The following TRMT11 variants were observed in gnomAD, a reference collection of about 807,000 sequenced individuals.
TRMT11 encodes tRNA (guanine(10)-N(2))-methyltransferase TRMT11.
TRMT11 carries 53 observed loss-of-function variants against 62.8 expected under a neutral mutation model. The observed-to-expected ratio is 0.84, with a 90% CI of 0.68 to 1.06. TRMT11 has a LOEUF of 1.06. Among genes scored for constraint, TRMT11 ranks in the 50% least tolerant of loss-of-function variants. The pLI, the probability that TRMT11 is intolerant of heterozygous loss-of-function variation, is 0.00. For synonymous variants in TRMT11, 188 were observed against 190.3 expected (o/e 0.99, Z 0.10); for missense variants, 556 against 553.4 (o/e 1.00, Z -0.05).
At chr6:126,229,102 G>A in the TRMT11 span, among the ~76,000 whole-genome samples, 1 of 152,130 alleles carries the variant, frequency 6.6e-6, no homozygotes, top group Non-Finnish European at 1.5e-5. Flanking sequence ...GAAATTTGTT[G>A]TATTTCTGTG....
At chr6:126,049,893 A>G (rs1562306216) in intron 16 of TRMT11, among the ~76,000 whole-genome samples, 1 of 152,208 alleles carries the variant, frequency 6.6e-6, no homozygotes, top group Non-Finnish European at 1.5e-5. Context: ...CAGATGTGAG[A>G]ATGTGTGAGT....
chr6:126,124,676 G>C (rs565987549), intron 21 of TRMT11, among the ~76,000 whole-genome samples: 1 of 152,054 alleles, frequency 6.6e-6, no homozygotes, highest in Non-Finnish European at 1.5e-5. Flanking sequence ...TGAGAGGCTT[G>C]TAGATCAGAG....
chr6:126,117,460 G>A (rs529392865), intron 21 of TRMT11, among the ~76,000 whole-genome samples: 134 of 152,140 alleles, frequency 8.8e-4, no homozygotes, highest in African/African-American at 2.9e-3. Flanking sequence ...TTGACAGGGA[G>A]AGTCACTTTC....
chr6:126,006,822 G>A (rs886550580), intron 7 of TRMT11: 10 of 151,972 alleles, frequency 6.6e-5, no homozygotes, highest in African/African-American at 2.4e-4. Context: ...CAGTCTAACA[G>A]ATTATTCATC....
chr6:126,037,623 G>A (rs1775428910), intron 12 of TRMT11, among the ~76,000 whole-genome samples: 1 of 151,714 alleles, frequency 6.6e-6, no homozygotes, highest in African/African-American at 2.4e-5. Context: ...CTGGGTTTTT[G>A]GTGTGATTTT....
chr6:126,028,670 T>A (rs1168699970), intron 12 of TRMT11, among the ~76,000 whole-genome samples: 2 of 152,134 alleles, frequency 1.3e-5, no homozygotes, highest in African/African-American at 2.4e-5. Context: ...CTTAGGCAAA[T>A]AAAATGATTT....
At chr6:126,034,280 A>G (rs1185958136) in intron 12 of TRMT11, among the ~76,000 whole-genome samples, 3 of 152,176 alleles carry the variant, frequency 2.0e-5, no homozygotes, top group Non-Finnish European at 4.4e-5. Context: ...AATTTAGATG[A>G]TACTTTTCTG....
At chr6:126,163,802 G>T (rs1311124990) in intron 21 of TRMT11, among the ~76,000 whole-genome samples, 2 of 152,154 alleles carry the variant, frequency 1.3e-5, no homozygotes, top group Non-Finnish European at 2.9e-5. Context: ...TTGTATTTCT[G>T]TGGGATCAGT....
At chr6:126,247,475 A>ATCTGTCTG in the TRMT11 span, among the ~76,000 whole-genome samples, 5 of 147,594 alleles carry the variant, frequency 3.4e-5, no homozygotes, top group African/African-American at 1.3e-4. Context: ...CTATCTATCT[A>ATCTGTCTG]TCTATCTATC....
chr6:126,033,773 A>G (rs1562293357), intron 12 of TRMT11, among the ~76,000 whole-genome samples: 1 of 152,158 alleles, frequency 6.6e-6, no homozygotes, highest in Non-Finnish European at 1.5e-5. Context: ...ATTTCAGTTC[A>G]CATCAGGAAG....
chr6:126,137,109 G>A (rs377366004), intron 21 of TRMT11, among the ~76,000 whole-genome samples: 3 of 151,568 alleles, frequency 2.0e-5, no homozygotes, highest in South Asian at 2.1e-4. Context: ...CAAAAGCACA[G>A]GCAACAAAAA....
chr6:126,059,045 CTT>C (rs1036996695), intron 17 of TRMT11, among the ~76,000 whole-genome samples: 1 of 128,112 alleles, frequency 7.8e-6, no homozygotes, highest in Admixed American at 7.9e-5. Context: ...CTCTACTTAT[CTT>C]TTTTTTTTTT....
At chr6:126,094,461 G>A (rs940595552) in intron 17 of TRMT11, among the ~76,000 whole-genome samples, 3 of 152,054 alleles carry the variant, frequency 2.0e-5, no homozygotes, top group South Asian at 4.2e-4. Context: ...AAATATTTGC[G>A]GCCCTGGTCA....
the TRMT11 span, among the ~76,000 whole-genome samples, chr6:126,251,509 A>G: frequency 1.3e-5 from 2 of 152,162 alleles, no homozygotes; most frequent in Non-Finnish European, 2.9e-5. Context: ...ATAATTTTGA[A>G]GTATACAATA....
At chr6:126,168,261 T>C (rs1027162296) in intron 21 of TRMT11, among the ~76,000 whole-genome samples, 2 of 152,208 alleles carry the variant, frequency 1.3e-5, no homozygotes, top group African/African-American at 2.4e-5. Flanking sequence ...GAGTTCTTTA[T>C]GGTTTCTCCA....
chr6:126,220,657 C>T, the TRMT11 span, among the ~76,000 whole-genome samples: 1 of 152,160 alleles, frequency 6.6e-6, no homozygotes, highest in Non-Finnish European at 1.5e-5. Context: ...CATTTATACC[C>T]ATCATTACAT....
chr6:126,151,838 C>CTTTCTT (rs1778050786), intron 21 of TRMT11, among the ~76,000 whole-genome samples: 1 of 129,484 alleles, frequency 7.7e-6, no homozygotes, highest in Non-Finnish European at 1.6e-5. Context: ...TTCTTTCTTT[C>CTTTCTT]TTTCTTTCTT....
the TRMT11 span, among the ~76,000 whole-genome samples, chr6:126,268,636 C>G: frequency 6.6e-6 from 1 of 152,164 alleles, no homozygotes; most frequent in South Asian, 2.1e-4. Flanking sequence ...CTGGGACATT[C>G]TGCTGCAGTG....
intron 1 of TRMT11, among the ~76,000 whole-genome samples, chr6:126,188,952 A>C (rs1778559915): frequency 6.6e-6 from 1 of 152,164 alleles, no homozygotes; most frequent in African/African-American, 2.4e-5. Flanking sequence ...AGTACATTTT[A>C]AACATGAAAA....
Sources: allele counts gnomAD v4.1 joint callset (sites outside exome capture counted in the v4.1 genomes callset), GRCh38; gene constraint gnomAD v4.1.1; transcripts MANE v1.5; gene names NCBI Gene and HGNC (gene_info 2026-07-23, HGNC 2026-07-21).